CACNB2: variants seen among roughly 807,000 people sequenced by gnomAD.
CACNB2 encodes voltage-dependent L-type calcium channel subunit beta-2.
In CACNB2, 42 loss-of-function variants were observed where a neutral mutation model predicts 73.3. The ratio of observed to expected loss-of-function variants is 0.57; its 90% CI spans 0.45 to 0.74. CACNB2 has a LOEUF of 0.74. Ranked by LOEUF, CACNB2 falls within the 30% of genes least tolerant of loss-of-function variation. The probability of loss-of-function intolerance (pLI) is 0.00; values close to 1 mark genes in which losing one functional copy is unlikely to be tolerated. For missense variants in CACNB2, 940 were observed against 853.0 expected (o/e 1.10, Z -1.27); for synonymous variants, 348 against 310.3 (o/e 1.12, Z -1.28).
chr10:18,527,042 A>G (rs2052539790), intron 9 of CACNB2, among the ~76,000 whole-genome samples: 1 of 152,228 alleles, frequency 6.6e-6, no homozygotes, highest in Non-Finnish European at 1.5e-5. Context: ...AGTGCTCAGT[A>G]CTTATCTGAC....
intron 2 of CACNB2, among the ~76,000 whole-genome samples, chr10:18,342,756 C>T (rs571170939): frequency 4.6e-5 from 7 of 152,072 alleles, no homozygotes; most frequent in Admixed American, 1.3e-4. Context: ...TCTCAAAGTT[C>T]TCCAATAATG....
At chr10:18,466,801 A>G (rs1326052255) in intron 3 of CACNB2, among the ~76,000 whole-genome samples, 1 of 152,174 alleles carries the variant, frequency 6.6e-6, no homozygotes, top group Non-Finnish European at 1.5e-5. Context: ...GGATTGAAGC[A>G]TGTCTAAACA....
chr10:18,324,512 CA>C (rs2040509017), intron 2 of CACNB2, among the ~76,000 whole-genome samples: 2 of 152,168 alleles, frequency 1.3e-5, no homozygotes, highest in Admixed American at 1.3e-4. Context: ...ATATGGAATG[CA>C]AAGTAACAGA....
intron 2 of CACNB2, chr10:18,260,912 C>T (rs2037506336): frequency 1.8e-6 from 2 of 1,142,410 alleles, no homozygotes; most frequent in Non-Finnish European, 2.2e-6. Context: ...ACTGTAAAAG[C>T]GTCACCAAGA....
intron 10 of CACNB2, 52 bp from the exon 11 acceptor site, chr10:18,534,024 T>A: frequency 6.3e-7 from 1 of 1,587,204 alleles, no homozygotes; most frequent in South Asian, 1.1e-5. Context: ...TATACCATTT[T>A]ACTTTATCTT....
At chr10:18,274,523 G>A (rs1162176338) in intron 2 of CACNB2, among the ~76,000 whole-genome samples, 1 of 152,184 alleles carries the variant, frequency 6.6e-6, no homozygotes, top group Non-Finnish European at 1.5e-5. Flanking sequence ...TTTGATTAAA[G>A]ATGGGTGAAG....
chr10:18,329,424 G>A (rs192151851), intron 2 of CACNB2, among the ~76,000 whole-genome samples: 22 of 148,822 alleles, frequency 1.5e-4, no homozygotes, highest in Admixed American at 4.1e-4. Context: ...GAATCCTGCC[G>A]ATAATGTTTT....
At chr10:18,495,295 C>T (rs561423167) in intron 3 of CACNB2, among the ~76,000 whole-genome samples, 2 of 151,430 alleles carry the variant, frequency 1.3e-5, no homozygotes, top group South Asian at 4.2e-4. Context: ...TCTTTGCTCA[C>T]TGCAGCCTCT....
At chr10:18,141,544 C>T (rs2030403977) in intron 1 of CACNB2, among the ~76,000 whole-genome samples, 1 of 152,044 alleles carries the variant, frequency 6.6e-6, no homozygotes, top group Non-Finnish European at 1.5e-5. Context: ...TTAGCCATTT[C>T]AGGGATCTCC....
At chr10:18,492,630 A>AG (rs1168092784) in intron 3 of CACNB2, among the ~76,000 whole-genome samples, 1 of 149,578 alleles carries the variant, frequency 6.7e-6, no homozygotes, top group Non-Finnish European at 1.5e-5. Flanking sequence ...CAAAAAAAAA[A>AG]AAAAAAAAGA....
intron 2 of CACNB2, among the ~76,000 whole-genome samples, chr10:18,241,892 A>G (rs1483258848): frequency 6.6e-6 from 1 of 152,076 alleles, no homozygotes; most frequent in East Asian, 1.9e-4. Flanking sequence ...TTTGAAAGAG[A>G]AGAATTGTAA....
intron 2 of CACNB2, among the ~76,000 whole-genome samples, chr10:18,296,409 C>G (rs765477626): frequency 6.6e-6 from 1 of 152,062 alleles, no homozygotes; most frequent in Non-Finnish European, 1.5e-5. Context: ...TATTTACTTA[C>G]GCTCACAGCC....
At chr10:18,176,773 T>C (rs1445384062) in intron 2 of CACNB2, among the ~76,000 whole-genome samples, 6 of 151,712 alleles carry the variant, frequency 4.0e-5, no homozygotes, top group Admixed American at 6.6e-5. Flanking sequence ...TGGGCAGCCA[T>C]GTTTCAGAGA....
intron 3 of CACNB2, among the ~76,000 whole-genome samples, chr10:18,428,009 G>C (rs1158098995): frequency 6.6e-6 from 1 of 151,840 alleles, no homozygotes; most frequent in African/African-American, 2.4e-5. Flanking sequence ...TTGAGAACCT[G>C]GTTTTCTGTA....
chr10:18,387,415 T>C (rs1310790408), intron 2 of CACNB2, among the ~76,000 whole-genome samples: 1 of 152,158 alleles, frequency 6.6e-6, no homozygotes, highest in Non-Finnish European at 1.5e-5. Context: ...TCACTTCTTC[T>C]TCCCTCATGT....
intron 2 of CACNB2, among the ~76,000 whole-genome samples, chr10:18,286,517 C>CAAAAAAAAAAAAA (rs770589594): frequency 1.7e-5 from 1 of 57,328 alleles, no homozygotes; most frequent in Non-Finnish European, 3.4e-5. Flanking sequence ...GATTCTGTCT[C>CAAAAAAAAAAAAA]AAAAAAAAAA....
Position 18,539,911 on chromosome 10 carries a change from A to G in CACNB2, c.*187A>G. On this transcript the variant is annotated 3_prime_UTR_variant, in exon 14 of 14. Coordinates refer to ENST00000324631, the MANE Select transcript of CACNB2 (RefSeq NM_201596.3). ...GTATTGAGATACTTTTTCTTTTGTA[A>G]GTGCTACATAAATTGGCCTGGTATG... The G allele has an allele frequency of 1.5e-6, 1 of 677,662 alleles. No individual in the cohort carries two copies. The highest frequency in any genetic ancestry group is 2.4e-6 in the Non-Finnish European group (1 of 420,918). The allele number at this position is 677,662 out of a possible 1,614,324, so 42.0% of individuals were successfully genotyped here.
intron 2 of CACNB2, among the ~76,000 whole-genome samples, chr10:18,286,517 CAAAAAAAAAAAAAAAAAA>C (rs770589594): frequency 1.4e-3 from 79 of 57,358 alleles, no homozygotes; most frequent in South Asian, 8.5e-3. Context: ...GATTCTGTCT[CAAAAAAAAAAAAAAAAAA>C]AAAAAAAAAA....
At chr10:18,462,704 ATC>A (rs2047647347) in intron 3 of CACNB2, among the ~76,000 whole-genome samples, 1 of 151,876 alleles carries the variant, frequency 6.6e-6, no homozygotes, top group South Asian at 2.1e-4. Flanking sequence ...AGTGAAAAGT[ATC>A]TCTTTCATTT....
Sources: allele counts gnomAD v4.1 joint callset (sites outside exome capture counted in the v4.1 genomes callset), GRCh38; gene constraint gnomAD v4.1.1; transcripts MANE v1.5; gene names NCBI Gene and HGNC (gene_info 2026-07-23, HGNC 2026-07-21).